DGCR2: variants seen among roughly 807,000 people sequenced by gnomAD.
The protein encoded by DGCR2 is DiGeorge syndrome critical region gene 2.
DGCR2 carries 24 observed loss-of-function variants against 51.6 expected under a neutral mutation model. That is an observed-to-expected ratio of 0.47 (90% CI 0.34 to 0.65). The LOEUF is 0.65. Ranked by LOEUF, DGCR2 falls within the 30% of genes least tolerant of loss-of-function variation. The pLI is 0.01. For missense variants in DGCR2, 765 were observed against 772.1 expected (o/e 0.99, Z 0.11); for synonymous variants, 340 against 315.4 (o/e 1.08, Z -0.82).
At chr22:19,093,425 T>C (rs1469921834) in intron 1 of DGCR2, among the ~76,000 whole-genome samples, 2 of 149,888 alleles carry the variant, frequency 1.3e-5, no homozygotes, top group Non-Finnish European at 3.0e-5. Flanking sequence ...ACTATAAAAC[T>C]CAAGAGAAGA....
chr22:19,122,108 GCCC>G lies in DGCR2; in HGVS notation c.79+17_79+19del, dbSNP rs760098908. ...CCGCTCGCCGCCCAGCCCCCACACCGCCCCCATCGCGCGGCGCACCTGGCCGCA... is the reference window on the plus strand; with the variant it reads ...CCGCTCGCCGCCCAGCCCCCACACCGCCATCGCGCGGCGCACCTGGCCGCA... On this transcript the variant is annotated intron_variant, in intron 1 of 9. Transcript: ENST00000263196. 1 of 1,472,726 alleles carries G rather than the reference GCCC, an allele frequency of 6.8e-7. No individual in the cohort carries two copies. Among genetic ancestry groups the G allele is most frequent in the South Asian group, 1.3e-5 (1 of 77,414 alleles). 91.2% of individuals were successfully genotyped at this position (1,472,726 alleles called of 1,614,324 possible). A position where few individuals can be genotyped will look rare whatever the true frequency, so the allele number is the denominator to read the frequency against.
intron 2 of DGCR2, among the ~76,000 whole-genome samples, chr22:19,076,549 G>A (rs2082878666): frequency 6.6e-6 from 1 of 152,054 alleles, no homozygotes; most frequent in Admixed American, 6.6e-5. Context: ...ACCGCAGAGG[G>A]ATTCCACTTT....
At chr22:19,063,353 GT>G in intron 4 of DGCR2, 75 bp from the exon 5 acceptor site, 1 of 1,449,412 alleles carries the variant, frequency 6.9e-7, no homozygotes, top group Non-Finnish European at 9.6e-7. Flanking sequence ...TGTGTTTTTT[GT>G]TTTTTGAGAC....
intron 1 of DGCR2, chr22:19,121,457 G>C (rs567783753): frequency 1.7e-4 from 26 of 152,214 alleles, no homozygotes; most frequent in African/African-American, 6.0e-4. Flanking sequence ...AGGTAGAAAA[G>C]GGTCTCCTGG....
At chr22:19,042,744 G>A (rs987019119) in intron 7 of DGCR2, among the ~76,000 whole-genome samples, 2 of 152,192 alleles carry the variant, frequency 1.3e-5, no homozygotes, top group African/African-American at 2.4e-5. Context: ...CTTGGGACTC[G>A]GATTGCCACA....
At chr22:19,118,374 C>CAAAAAAAAAAAAAAA (rs923572855) in intron 1 of DGCR2, among the ~76,000 whole-genome samples, 1 of 56,764 alleles carries the variant, frequency 1.8e-5, no homozygotes, top group Non-Finnish European at 3.2e-5. Context: ...CCATCGCAAA[C>CAAAAAAAAAAAAAAA]AAAAAAAAAA....
chr22:19,069,440 C>T (rs1474141787), intron 2 of DGCR2, among the ~76,000 whole-genome samples: 2 of 152,268 alleles, frequency 1.3e-5, no homozygotes, highest in East Asian at 1.9e-4. Context: ...TTGAAAAATA[C>T]AAAAGTTTGA....
chr22:19,043,963 A>T (rs1189862495), intron 7 of DGCR2, among the ~76,000 whole-genome samples: 1 of 152,170 alleles, frequency 6.6e-6, no homozygotes, highest in Non-Finnish European at 1.5e-5. Context: ...ACCCTCCTCC[A>T]GTCTCAAGGG....
chr22:19,112,141 C>A (rs1415789985), intron 1 of DGCR2, among the ~76,000 whole-genome samples: 2 of 151,842 alleles, frequency 1.3e-5, no homozygotes, highest in Non-Finnish European at 2.9e-5. Flanking sequence ...GGCGTGGTGG[C>A]ACGCACCTGT....
intron 2 of DGCR2, among the ~76,000 whole-genome samples, chr22:19,084,982 T>C (rs1192721264): frequency 2.0e-5 from 3 of 151,742 alleles, no homozygotes; most frequent in South Asian, 2.1e-4. Flanking sequence ...TTTTGTGGAA[T>C]AGAAAAGGGG....
intron 1 of DGCR2, 123 bp downstream of exon 1, chr22:19,122,005 C>G (rs1291616469): frequency 1.7e-6 from 1 of 575,700 alleles, no homozygotes; most frequent in Non-Finnish European, 2.4e-6. Flanking sequence ...CGAGCCAGGC[C>G]CCGCCCGCCC....
chr22:19,121,246 A>G (rs559382665), intron 1 of DGCR2, among the ~76,000 whole-genome samples: 1 of 152,352 alleles, frequency 6.6e-6, no homozygotes, highest in East Asian at 1.9e-4. Context: ...GACTGTATTA[A>G]TATACATACG....
chr22:19,118,856 C>T (rs2083401155), intron 1 of DGCR2, among the ~76,000 whole-genome samples: 1 of 152,218 alleles, frequency 6.6e-6, no homozygotes, highest in African/African-American at 2.4e-5. Flanking sequence ...CTTCTCTACA[C>T]AGATGGAGAA....
chr22:19,084,518 G>A (rs1320889006), intron 2 of DGCR2, among the ~76,000 whole-genome samples: 1 of 141,524 alleles, frequency 7.1e-6, no homozygotes, highest in Non-Finnish European at 1.5e-5. Flanking sequence ...GAGCCCCTCC[G>A]CCCGGCAGCC....
intron 2 of DGCR2, among the ~76,000 whole-genome samples, chr22:19,069,063 T>C (rs5993492): frequency 0.49 from 75,132 of 152,146 alleles, 19,697 homozygotes; most frequent in African/African-American, 0.68. Context: ...ATGGGCCCGC[T>C]CACCTCCCAC....
At chr22:19,059,774 T>C (rs951012978) in intron 5 of DGCR2, among the ~76,000 whole-genome samples, 1 of 152,056 alleles carries the variant, frequency 6.6e-6, no homozygotes, top group East Asian at 1.9e-4. Flanking sequence ...CCCAGACTGA[T>C]ACACGAGGGC....
At chr22:19,081,492 T>C (rs955136588) in intron 2 of DGCR2, among the ~76,000 whole-genome samples, 3 of 152,276 alleles carry the variant, frequency 2.0e-5, no homozygotes, top group Non-Finnish European at 4.4e-5. Context: ...TCACTTACTG[T>C]TGCTGGTGTA....
At chr22:19,061,083 G>A in intron 5 of DGCR2, 1 of 233,010 alleles carries the variant, frequency 4.3e-6, no homozygotes. Flanking sequence ...TTTTCTTAGG[G>A]AAGGGTTCAG....
At chr22:19,056,523 C>A in intron 6 of DGCR2, 1 of 453,174 alleles carries the variant, frequency 2.2e-6, no homozygotes, top group Admixed American at 4.5e-5. Flanking sequence ...GACCCCTGTC[C>A]CCCAAAAGCA....
Sources: allele counts gnomAD v4.1 joint callset (sites outside exome capture counted in the v4.1 genomes callset), GRCh38; gene constraint gnomAD v4.1.1; transcripts MANE v1.5; gene names NCBI Gene and HGNC (gene_info 2026-07-23, HGNC 2026-07-21).